The following ZNF527 variants were observed in gnomAD, a reference collection of about 807,000 sequenced individuals.
The protein encoded by ZNF527 is zinc finger protein 527.
In ZNF527, 5 loss-of-function variants were observed where a neutral mutation model predicts 13.5. The ratio of observed to expected loss-of-function variants is 0.37; its 90% CI spans 0.19 to 0.78. The LOEUF (loss-of-function observed/expected upper bound fraction) is 0.78. ZNF527 is among the 30% of genes least tolerant of loss of function. The pLI, the probability that ZNF527 is intolerant of heterozygous loss-of-function variation, is 0.48. For missense variants in ZNF527, 628 were observed against 726.4 expected, an observed-to-expected ratio of 0.86 and a Z score of 1.56; for synonymous variants, 209 against 243.1, an observed-to-expected ratio of 0.86 and a Z score of 1.30.
chr19:37,380,477 C>A, intron 4 of ZNF527, 105 bp downstream of exon 4: 1 of 883,938 alleles, frequency 1.1e-6, no homozygotes, highest in Middle Eastern at 2.5e-4. Flanking sequence ...CTGAAATCTC[C>A]ATAGTATGTG....
intron 4 of ZNF527, chr19:37,385,073 A>T: frequency 1.8e-6 from 1 of 541,890 alleles, no homozygotes; most frequent in Non-Finnish European, 3.4e-6. Flanking sequence ...CGATCCTCCC[A>T]TCTTGGCATC....
chr19:37,375,101 T>C (rs2146804486), intron 2 of ZNF527, among the ~76,000 whole-genome samples: 1 of 152,268 alleles, frequency 6.6e-6, no homozygotes, highest in East Asian at 1.9e-4. Flanking sequence ...TTTACTGAGC[T>C]GGAAAGACAA....
At chr19:37,379,329 T>G (rs773367772) in intron 3 of ZNF527, 83 bp downstream of exon 3, 256 of 1,371,064 alleles carry the variant, frequency 1.9e-4, no homozygotes, top group Non-Finnish European at 2.4e-4. Context: ...TAGGACATCT[T>G]AAGACATCTT....
chr19:37,383,955 A>C (rs1460823439), intron 4 of ZNF527, among the ~76,000 whole-genome samples: 1 of 152,150 alleles, frequency 6.6e-6, no homozygotes, highest in Non-Finnish European at 1.5e-5. Flanking sequence ...GTCTAATTAC[A>C]TTTTTGGTAA....
At position 37,375,299 on chromosome 19, in the gene ZNF527, TTTC is replaced by T. The variant is rs1309308434; in HGVS notation, c.33+1071_33+1073del. 2.7e-3 allele frequency among the ~76,000 whole-genome samples: 287 copies of T among 106,884 alleles called. 2 individuals carry two copies. Among genetic ancestry groups the T allele is most frequent in the African/African-American group, 7.3e-3 (168 of 22,978 alleles). The allele number at this position is 106,884 out of a possible 152,430, so 70.1% of individuals were successfully genotyped here. A position where few individuals can be genotyped will look rare whatever the true frequency, so the allele number is the denominator to read the frequency against. ...CTTTCTTTCTTTCTTTCTTTCTTTCTTTCTTTCTTTCTTTTCTTTCTTTCTTTC... is the reference window on the plus strand; with the variant it reads ...CTTTCTTTCTTTCTTTCTTTCTTTCTTTTCTTTCTTTTCTTTCTTTCTTTC... On this transcript the variant is annotated intron_variant, in intron 2 of 4. Coordinates refer to ENST00000436120, the MANE Select transcript of ZNF527 (RefSeq NM_032453.2).
intron 2 of ZNF527, among the ~76,000 whole-genome samples, chr19:37,374,695 T>TA (rs2040585154): frequency 6.6e-6 from 1 of 152,162 alleles, no homozygotes; most frequent in Non-Finnish European, 1.5e-5. Flanking sequence ...AGTCTGTCCT[T>TA]GGAGGGAAAT....
At chr19:37,374,857 G>A (rs1316747104) in intron 2 of ZNF527, among the ~76,000 whole-genome samples, 1 of 152,236 alleles carries the variant, frequency 6.6e-6, no homozygotes, top group African/African-American at 2.4e-5. Flanking sequence ...AAAACAGATA[G>A]CAGGGGAGTA....
chr19:37,385,901 G>A (rs2040693861), intron 4 of ZNF527, among the ~76,000 whole-genome samples: 1 of 151,916 alleles, frequency 6.6e-6, no homozygotes, highest in Non-Finnish European at 1.5e-5. Flanking sequence ...TCTGGCTTCT[G>A]CCCTTCTAGT....
chr19:37,373,124 CT>C (rs1476887893), intron 1 of ZNF527, among the ~76,000 whole-genome samples: 1 of 152,172 alleles, frequency 6.6e-6, no homozygotes. Flanking sequence ...TAATACCTAT[CT>C]TTGTAGTTTT....
rs969759284 is a variant in ZNF527 at position 37,391,095 on chromosome 19, C to T, written c.*1216C>T. The T allele has an allele frequency of 2.0e-5, 3 of 152,104 alleles. No individual in the cohort carries two copies. The highest frequency in any genetic ancestry group is 2.0e-4 in the Admixed American group (3 of 15,266). 9.4% of individuals were successfully genotyped at this position (152,104 alleles called of 1,614,324 possible). On this transcript the variant is annotated 3_prime_UTR_variant, in exon 5 of 5. Transcript: ENST00000436120. ...AAAATCATTTGTCACAGTGACTCACCATTTGCCTGTAAAGAGAGAATGGAA... is the reference window on the plus strand; with the variant it reads ...AAAATCATTTGTCACAGTGACTCACTATTTGCCTGTAAAGAGAGAATGGAA...
At chr19:37,382,256 C>T (rs985755533) in intron 4 of ZNF527, among the ~76,000 whole-genome samples, 8 of 151,230 alleles carry the variant, frequency 5.3e-5, no homozygotes, top group Non-Finnish European at 8.8e-5. Context: ...CTGACAGCAG[C>T]TAAAGCTAGG....
At position 37,380,277 on chromosome 19, in the gene ZNF527, G is replaced by C. The variant is rs377472487; in HGVS notation, c.161G>C (p.Gly54Ala). 14 of 1,613,894 alleles carry C rather than the reference G, an allele frequency of 8.7e-6. No individual in the cohort carries two copies. The African/African-American group carries it at 1.7e-4, about 20-fold the overall frequency. ...CTCATTTTTCTTCCCCTGTGAACAG[G>C]ACTCTCCATTTCTAAGCCCAACATG... ...LENYRNLVWL[G>A]LSISKPNMIS... is the part of the protein sequence containing the mutation. The change falls in exon 4 of 5, where the codon GGA becomes GCA. Residue 54 changes from glycine to alanine, a missense_variant and splice_region_variant. Gly to Ala is a moderately conservative substitution (Grantham distance 60). Coordinates refer to ENST00000436120, the MANE Select transcript of ZNF527 (RefSeq NM_032453.2).
At chr19:37,375,307 TTTCTTTTCTTTC>T (rs1387812694) in intron 2 of ZNF527, among the ~76,000 whole-genome samples, 25 of 109,052 alleles carry the variant, frequency 2.3e-4, no homozygotes, top group African/African-American at 6.1e-4. Flanking sequence ...TCTTTCTTTC[TTTCTTTTCTTTC>T]TTTCTTTCTT....
In ZNF527 at chr19:37,390,942, T is replaced by G. The variant is rs2146828780; in HGVS notation, c.*1063T>G. The G allele has an allele frequency of 6.6e-6, 1 of 152,324 alleles. No individual in the cohort carries two copies. Among genetic ancestry groups the G allele is most frequent in the Non-Finnish European group, 1.5e-5 (1 of 68,024 alleles). The allele number at this position is 152,324 out of a possible 1,614,324, so 9.4% of individuals were successfully genotyped here. A position where few individuals can be genotyped will look rare whatever the true frequency, so the allele number is the denominator to read the frequency against. ...GTTGAATACACAGCCTTCATAAAAC[T>G]GAGATAATTGTTACATTTTATTTGT... On this transcript the variant is annotated 3_prime_UTR_variant, in exon 5 of 5. Transcript: ENST00000436120.
intron 4 of ZNF527, chr19:37,385,262 A>G (rs1416259070): frequency 9.1e-6 from 4 of 441,290 alleles, no homozygotes; most frequent in South Asian, 7.1e-5. Context: ...TCTCCCGCAC[A>G]CAAGTTTTCA....
Position 37,389,034 on chromosome 19 carries a change from C to T in ZNF527, c.985C>T (p.Pro329Ser). 6.2e-7 allele frequency: 1 copy of T among 1,614,214 alleles called. No individual in the cohort carries two copies. Among genetic ancestry groups the T allele is most frequent in the Non-Finnish European group, 8.5e-7 (1 of 1,180,032 alleles). ...TCAAAGAACTCATATTGGGGAGAAACCTTATGAATGTAAGGAATGTAACAA... is the reference window on the plus strand; with the variant it reads ...TCAAAGAACTCATATTGGGGAGAAATCTTATGAATGTAAGGAATGTAACAA... Reference protein sequence around the residue: ...EHQRTHIGEKPYECKECNKAF... With the variant: ...EHQRTHIGEKSYECKECNKAF... Residue 329 changes from proline (P) to serine (S), a missense_variant, in exon 5 of 5, where the codon CCT becomes TCT. By Grantham distance (74) the Pro-to-Ser change is moderately conservative. Transcript: ENST00000436120.
chr19:37,379,185 A>C lies in ZNF527; in HGVS notation c.99A>C (p.Pro33=). ...AAGAAGAGTGGGAATGGCTGAAGCCATCTCAGAAGGATTTATACAGAGATG... is the reference window on the plus strand; with the variant it reads ...AAGAAGAGTGGGAATGGCTGAAGCCCTCTCAGAAGGATTTATACAGAGATG... ...FSQEEWEWLK[P]SQKDLYRDVM... The change falls in exon 3 of 5, where the codon CCA becomes CCC. Residue 33 remains proline, a synonymous_variant. Transcript: ENST00000436120. 1 of 1,614,028 alleles carries C rather than the reference A, an allele frequency of 6.2e-7. No individual in the cohort carries two copies. Among genetic ancestry groups the C allele is most frequent in the Non-Finnish European group, 8.5e-7 (1 of 1,179,990 alleles).
At chr19:37,374,370 CA>C in intron 2 of ZNF527, 139 bp downstream of exon 2, 1 of 764,046 alleles carries the variant, frequency 1.3e-6, no homozygotes. Flanking sequence ...AATCCTTCTA[CA>C]AAACATTTAA....
chr19:37,375,938 T>C (rs1262615934), intron 2 of ZNF527, among the ~76,000 whole-genome samples: 1 of 152,230 alleles, frequency 6.6e-6, no homozygotes, highest in Non-Finnish European at 1.5e-5. Flanking sequence ...AGACGAAGAC[T>C]GAGAACTCAC....
Sources: gnomAD v4.1 joint callset for allele counts (sites outside exome capture counted in the v4.1 genomes callset) on GRCh38, gnomAD v4.1.1 for gene constraint, MANE v1.5 for transcripts, NCBI Gene and HGNC (gene_info 2026-07-23, HGNC 2026-07-21) for gene names.